The following ANTXR1 variants were observed in gnomAD, a reference collection of about 807,000 sequenced individuals.
ANTXR1 encodes anthrax toxin receptor 1.
A neutral mutation model predicts 78.1 loss-of-function variants in ANTXR1; 19 were observed. The observed-to-expected ratio is 0.24, with a 90% CI of 0.17 to 0.36. The LOEUF (loss-of-function observed/expected upper bound fraction) is 0.36, where lower values mean the gene tolerates loss of function less well. Among genes scored for constraint, ANTXR1 ranks in the 10% least tolerant of loss-of-function variants. The probability of loss-of-function intolerance (pLI) is 1.00; values close to 1 mark genes in which losing one functional copy is unlikely to be tolerated. For missense variants in ANTXR1, 518 were observed against 718.6 expected (o/e 0.72, Z 3.19); for synonymous variants, 273 against 260.5 (o/e 1.05, Z -0.46).
At chr2:69,202,815 C>T (rs1456600202) in intron 17 of ANTXR1, among the ~76,000 whole-genome samples, 1 of 152,178 alleles carries the variant, frequency 6.6e-6, no homozygotes, top group Non-Finnish European at 1.5e-5. Flanking sequence ...CCTATGCTGG[C>T]AGCACTTCTC....
chr2:69,071,609 A>G (rs1427313104), intron 4 of ANTXR1, 145 bp from the exon 5 acceptor site: 1 of 788,286 alleles, frequency 1.3e-6, no homozygotes, highest in Non-Finnish European at 2.2e-6. Context: ...TCAGCCACTG[A>G]TAATTGAGCA....
At chr2:69,073,691 A>T (rs1308921421) in intron 6 of ANTXR1, among the ~76,000 whole-genome samples, 2 of 152,212 alleles carry the variant, frequency 1.3e-5, no homozygotes, top group Non-Finnish European at 2.9e-5. Flanking sequence ...ACCTTGTATA[A>T]ATAGACTTAG....
chr2:69,096,282 A>C (rs9677563), intron 9 of ANTXR1, among the ~76,000 whole-genome samples: 19,425 of 34,288 alleles, frequency 0.57, 4,569 homozygotes, highest in East Asian at 0.64. Context: ...GGAAGGAAGG[A>C]AGGAAGGGAG....
intron 3 of ANTXR1, among the ~76,000 whole-genome samples, chr2:69,054,698 T>A (rs1670020425): frequency 6.6e-6 from 1 of 152,174 alleles, no homozygotes; most frequent in Admixed American, 6.5e-5. Context: ...TCTGAAGACA[T>A]CACTTGATTC....
At chr2:69,219,422 C>CACACACACACACACA (rs58106996) in intron 17 of ANTXR1, among the ~76,000 whole-genome samples, 63 of 150,606 alleles carry the variant, frequency 4.2e-4, no homozygotes, top group Middle Eastern at 3.4e-3. Context: ...CACACACACA[C>CACACACACACACACA]CCTACTGATG....
At chr2:69,243,690 C>A (rs962859069) in intron 17 of ANTXR1, among the ~76,000 whole-genome samples, 2 of 152,156 alleles carry the variant, frequency 1.3e-5, no homozygotes, top group African/African-American at 4.8e-5. Flanking sequence ...CATTCTCATT[C>A]AAGCTCATCC....
At chr2:69,235,788 A>G (rs1168572095) in intron 17 of ANTXR1, among the ~76,000 whole-genome samples, 1 of 151,964 alleles carries the variant, frequency 6.6e-6, no homozygotes. Flanking sequence ...AAAAAAAAAA[A>G]AATAGCTTAC....
At chr2:69,245,111 G>A in intron 17 of ANTXR1, 114 bp from the exon 18 acceptor site, 1 of 1,252,954 alleles carries the variant, frequency 8.0e-7, no homozygotes, top group East Asian at 2.3e-5. Flanking sequence ...CTAGAGAGTT[G>A]TCACCAACAG....
chr2:69,029,044 C>CA (rs1027654187), intron 1 of ANTXR1, among the ~76,000 whole-genome samples: 40 of 147,848 alleles, frequency 2.7e-4, no homozygotes, highest in African/African-American at 9.5e-4. Context: ...TGTTGAGACC[C>CA]CCCCCCCTCC....
rs909831313 is a variant in ANTXR1, at chr2:69,150,633, T to C, written c.952-1536T>C. On this transcript the variant is annotated intron_variant, in intron 12 of 17. Coordinates refer to ENST00000303714, the MANE Select transcript of ANTXR1 (RefSeq NM_032208.3). ...TAAAAATTTAGTAAATATCAGACAG[T>C]CTTTATGTCTCTCTCACTCTTGACA... 4.1e-5 allele frequency among the ~76,000 whole-genome samples: 6 copies of C among 146,804 alleles called. No homozygotes were observed. In the East Asian group the frequency reaches 1.2e-3, roughly 30 times the overall value.
intron 1 of ANTXR1, among the ~76,000 whole-genome samples, chr2:69,029,978 A>G (rs893180917): frequency 6.6e-6 from 1 of 152,204 alleles, no homozygotes; most frequent in Non-Finnish European, 1.5e-5. Context: ...CACTCATATT[A>G]CATTTACATA....
chr2:69,191,558 TACAC>T, intron 16 of ANTXR1, among the ~76,000 whole-genome samples: 1 of 152,232 alleles, frequency 6.6e-6, no homozygotes, highest in African/African-American at 2.4e-5. Context: ...CACACAGTCA[TACAC>T]ACACCCATAC....
chr2:69,222,355 G>C (rs1002723700), intron 17 of ANTXR1, among the ~76,000 whole-genome samples: 6 of 152,156 alleles, frequency 3.9e-5, no homozygotes, highest in Admixed American at 6.5e-5. Flanking sequence ...AAAACATTGA[G>C]AGCTTAAAAG....
At chr2:69,060,006 C>G (rs1670187632) in intron 3 of ANTXR1, among the ~76,000 whole-genome samples, 1 of 152,186 alleles carries the variant, frequency 6.6e-6, no homozygotes, top group South Asian at 2.1e-4. Context: ...TCATCTTGTC[C>G]TGTGATTAAA....
intron 12 of ANTXR1, among the ~76,000 whole-genome samples, chr2:69,128,307 C>T (rs144700022): frequency 1.4e-3 from 215 of 151,974 alleles, no homozygotes; most frequent in African/African-American, 4.8e-3. Flanking sequence ...AAATTTATAT[C>T]AGTATTGTGA....
intron 2 of ANTXR1, among the ~76,000 whole-genome samples, chr2:69,042,523 T>C (rs1221482305): frequency 6.6e-6 from 1 of 152,168 alleles, no homozygotes; most frequent in Non-Finnish European, 1.5e-5. Context: ...TTCTCTACCT[T>C]TCCCCTGGCT....
intron 6 of ANTXR1, 129 bp downstream of exon 6, chr2:69,073,230 A>G (rs376767455): frequency 5.9e-5 from 45 of 758,612 alleles, no homozygotes; most frequent in Non-Finnish European, 9.8e-5. Context: ...ATAGAGTTTC[A>G]TAAGTAGAAA....
At chr2:69,115,780 A>G (rs527497630) in intron 10 of ANTXR1, among the ~76,000 whole-genome samples, 3 of 152,282 alleles carry the variant, frequency 2.0e-5, no homozygotes, top group African/African-American at 7.2e-5. Flanking sequence ...CTAGCCAGGG[A>G]GGGCTTCCAA....
intron 16 of ANTXR1, 147 bp downstream of exon 16, chr2:69,182,807 G>A (rs1296485052): frequency 7.7e-6 from 8 of 1,040,938 alleles, no homozygotes; most frequent in Non-Finnish European, 1.1e-5. Flanking sequence ...GGACTTGAAA[G>A]TACTAGTAAT....
Sources: allele counts gnomAD v4.1 joint callset (sites outside exome capture counted in the v4.1 genomes callset), GRCh38; gene constraint gnomAD v4.1.1; transcripts MANE v1.5; gene names NCBI Gene and HGNC (gene_info 2026-07-23, HGNC 2026-07-21).